The following AACS variants were observed in gnomAD, a reference collection of about 807,000 sequenced individuals.
AACS encodes the protein acetoacetyl-CoA synthetase, also known as acetoacetate-CoA ligase.
In AACS, 69 loss-of-function variants were observed where a neutral mutation model predicts 83.1. That is an observed-to-expected ratio of 0.83 (90% CI 0.68 to 1.01). The LOEUF is 1.01. Ranked by LOEUF, AACS falls within the 50% of genes least tolerant of loss-of-function variation. The pLI is 0.00. For synonymous variants in AACS, 333 were observed against 343.4 expected (o/e 0.97, Z 0.33); for missense variants, 866 against 882.2 (o/e 0.98, Z 0.23).
chr12:125,109,884 T>C (rs1487083786), intron 8 of AACS, among the ~76,000 whole-genome samples: 1 of 152,176 alleles, frequency 6.6e-6, no homozygotes, highest in Non-Finnish European at 1.5e-5. Flanking sequence ...TGATGCAGCT[T>C]TGGTGGGAAC....
rs57643228 is a variant in AACS, at chr12:125,094,978, CGTGTGTGTGTGTGT to C, written c.570+3488_570+3501del. On this transcript the variant is annotated intron_variant, in intron 5 of 17. Transcript: ENST00000316519. The surrounding 1 kb of genome is among the most constrained non-coding windows in gnomAD (Gnocchi z 4.1). ...TCCTCCTGAAGTGCCATCAGGTGGC[CGTGTGTGTGTGTGT>C]GTGTGTGTGTGTGTGTGTGTGTGTG... Among the ~76,000 whole-genome samples, 2,624 of 145,308 alleles carry C rather than the reference CGTGTGTGTGTGTGT, an allele frequency of 0.018. 71 individuals carry two copies. Among genetic ancestry groups the C allele is most frequent in the African/African-American group, 0.05 (1,980 of 39,264 alleles).
chr12:125,068,843 CTT>C (rs11333763), intron 1 of AACS, among the ~76,000 whole-genome samples: 215 of 138,784 alleles, frequency 1.5e-3, no homozygotes, highest in Middle Eastern at 7.1e-3. Context: ...TGTGAGCATT[CTT>C]TTTTTTTTTT....
chr12:125,080,938 G>A (rs1238707451), intron 3 of AACS, among the ~76,000 whole-genome samples: 2 of 151,664 alleles, frequency 1.3e-5, no homozygotes, highest in Non-Finnish European at 2.9e-5. Flanking sequence ...TGATCCACCC[G>A]CCTTGGCCTC....
Position 125,129,384 on chromosome 12 carries a change from C to G in AACS, c.1473C>G (p.Ile491Met). Residue 491 changes from isoleucine to methionine, a missense_variant, in exon 14 of 18, where the codon ATC becomes ATG. Physicochemically the swap from Ile to Met is conservative, Grantham distance 10. Transcript: ENST00000316519. This position sits in a 1 kb window ranked among gnomAD's most constrained non-coding sequence, Gnocchi z 4.3. The stretch of plus-strand genomic sequence containing the variant: ...GCGAGCTGGTGTGTACTAAGCCGAT[C>G]CCTTGCCAGCCCACACACTTCTGGA... ...ESGELVCTKPIPCQPTHFWND... is the reference protein window; with the variant it reads ...ESGELVCTKPMPCQPTHFWND... 1.2e-6 allele frequency: 2 copies of G among 1,614,034 alleles called. No homozygotes were observed. The highest frequency in any genetic ancestry group is 2.7e-5 in the African/African-American group (2 of 74,984).
chr12:125,099,629 C>T (rs1404905772), intron 5 of AACS, among the ~76,000 whole-genome samples: 1 of 152,170 alleles, frequency 6.6e-6, no homozygotes, highest in Non-Finnish European at 1.5e-5. Flanking sequence ...CTTAGGGCAG[C>T]ACCTGACACA....
chr12:125,103,523 A>T lies in AACS; in HGVS notation c.767+442A>T, dbSNP rs151020504. On this transcript the variant is annotated intron_variant, in intron 7 of 17. Coordinates refer to ENST00000316519, the MANE Select transcript of AACS (RefSeq NM_023928.5). ...CACGTGCATACGTGCACAGGTGCAC[A>T]TGCATGTGTACATGTGTATGTATGG... 5.9e-4 allele frequency among the ~76,000 whole-genome samples: 86 copies of T among 146,734 alleles called. 1 individual carries two copies. Among genetic ancestry groups the T allele is most frequent in the African/African-American group, 1.9e-3 (78 of 41,474 alleles).
chr12:125,115,568 C>T (rs1957039813), intron 9 of AACS, among the ~76,000 whole-genome samples: 1 of 152,172 alleles, frequency 6.6e-6, no homozygotes, highest in Non-Finnish European at 1.5e-5. Context: ...CCTGCTGAGT[C>T]TTTATGCCAA....
chr12:125,142,068 T>C, intron 17 of AACS, 24 bp from the exon 18 acceptor site: 2 of 1,613,506 alleles, frequency 1.2e-6, no homozygotes, highest in South Asian at 1.1e-5. Context: ...TAAATGTTCC[T>C]GTTTTTCTAC....
chr12:125,067,629 G>T (rs1955739864), intron 1 of AACS, among the ~76,000 whole-genome samples: 1 of 151,956 alleles, frequency 6.6e-6, no homozygotes, highest in African/African-American at 2.4e-5. Flanking sequence ...TGCCTCCTGG[G>T]TTCACGCAGT....
intron 7 of AACS, among the ~76,000 whole-genome samples, chr12:125,103,986 T>TA (rs1565940149): frequency 5.0e-4 from 1 of 1,986 alleles, no homozygotes; most frequent in Non-Finnish European, 2.3e-3. Context: ...AAACTCCGTC[T>TA]CAAAAAAAAA....
At chr12:125,116,527 G>A (rs978208989) in intron 9 of AACS, among the ~76,000 whole-genome samples, 1 of 151,574 alleles carries the variant, frequency 6.6e-6, no homozygotes, top group South Asian at 2.1e-4. Context: ...GCAGTGGCGC[G>A]ATTTTGGCTC....
rs966331343 is a variant in AACS at position 125,113,773 on chromosome 12, C to G, written c.916-704C>G. 6.6e-6 allele frequency among the ~76,000 whole-genome samples: 1 copy of G among 152,168 alleles called. No homozygotes were observed. Among genetic ancestry groups the G allele is most frequent in the African/African-American group, 2.4e-5 (1 of 41,438 alleles). On this transcript the variant is annotated intron_variant, in intron 8 of 17. Transcript: ENST00000316519. The surrounding 1 kb of genome is among the most constrained non-coding windows in gnomAD (Gnocchi z 4.8). ...AGGAAACTGCTAGGACCGGCTGCCT[C>G]TTGGGAGAACTGGGTACAGGACAGG...
Position 125,142,555 on chromosome 12 carries a change from C to T in AACS, c.*326C>T. The stretch of plus-strand genomic sequence containing the variant: ...GCTGAAGACAGACACACTCCTGAGC[C>T]AAGGTCTTGTCTTCAACCTCCCCGT... On this transcript the variant is annotated 3_prime_UTR_variant, in exon 18 of 18. Coordinates refer to ENST00000316519, the MANE Select transcript of AACS (RefSeq NM_023928.5). 4.0e-6 allele frequency: 1 copy of T among 250,748 alleles called. No homozygotes were observed. The highest frequency in any genetic ancestry group is 1.0e-4 in the South Asian group (1 of 10,004). The allele number at this position is 250,748 out of a possible 1,614,324, so 15.5% of individuals were successfully genotyped here. A position where few individuals can be genotyped will look rare whatever the true frequency, so the allele number is the denominator to read the frequency against.
chr12:125,128,120 G>T, intron 12 of AACS, 41 bp from the exon 13 acceptor site: 1 of 1,483,578 alleles, frequency 6.7e-7, no homozygotes, highest in South Asian at 1.2e-5. Flanking sequence ...AATTTGTCTT[G>T]GGCTTCTAAA....
chr12:125,121,134 T>C (rs1414551980), intron 10 of AACS: 1 of 152,270 alleles, frequency 6.6e-6, no homozygotes, highest in African/African-American at 2.4e-5. Flanking sequence ...TCCCTCTGGA[T>C]GTGGCCATCG....
At chr12:125,141,995 G>A in intron 17 of AACS, 97 bp from the exon 18 acceptor site, 2 of 1,504,996 alleles carry the variant, frequency 1.3e-6, no homozygotes, top group Non-Finnish European at 1.8e-6. Flanking sequence ...TGGCACTCCA[G>A]GTGGAGCTGG....
At chr12:125,109,037 C>A (rs12303523) in intron 8 of AACS, among the ~76,000 whole-genome samples, 9,861 of 151,938 alleles carry the variant, frequency 0.065, 723 homozygotes, top group African/African-American at 0.18. Context: ...ACCTAGAGAA[C>A]CTCTAGAAAA....
chr12:125,102,777 G>A lies in AACS; in HGVS notation c.669G>A (p.Leu223=), dbSNP rs1422399411. ...NGKEHNHMEK[L]QQVVKGLPDL... ...AAGAGCACAACCACATGGAAAAGCT[G>A]CAGCAGGTGGTTAAAGGTGTGTGGC... The change falls in exon 6 of 18, where the codon CTG becomes CTA. Residue 223 remains leucine, a synonymous_variant. Coordinates refer to ENST00000316519, the MANE Select transcript of AACS (RefSeq NM_023928.5). 1.9e-6 allele frequency: 3 copies of A among 1,614,094 alleles called. No homozygotes were observed. The highest frequency in any genetic ancestry group is 1.7e-5 in the Admixed American group (1 of 60,010).
At chr12:125,119,179 C>T (rs1957110822) in intron 10 of AACS, among the ~76,000 whole-genome samples, 1 of 152,186 alleles carries the variant, frequency 6.6e-6, no homozygotes, top group East Asian at 1.9e-4. Flanking sequence ...TTTGCATCTC[C>T]TCACACAGTT....
Sources: gnomAD v4.1 joint callset for allele counts (sites outside exome capture counted in the v4.1 genomes callset) on GRCh38, gnomAD v4.1.1 for gene constraint, Gnocchi (gnomAD v3.1) non-coding constraint, MANE v1.5 for transcripts, NCBI Gene and HGNC (gene_info 2026-07-23, HGNC 2026-07-21) for gene names.